The following NUP62CL variants were observed in gnomAD, a reference collection of about 807,000 sequenced individuals.
NUP62CL encodes nucleoporin-62 C-terminal-like protein.
Under a neutral mutation model 15.3 loss-of-function variants are expected in NUP62CL, and 13 were observed. The observed-to-expected ratio is 0.85, with a 90% confidence interval of 0.55 to 1.35. The LOEUF (loss-of-function observed/expected upper bound fraction) is 1.35. NUP62CL is among the 40% of genes most tolerant of loss of function. The probability of loss-of-function intolerance (pLI) is 0.00; values close to 1 mark genes in which losing one functional copy is unlikely to be tolerated. For missense variants in NUP62CL, 123 were observed against 130.6 expected, an observed-to-expected ratio of 0.94 and a Z score of 0.28; for synonymous variants, 54 against 49.2, an observed-to-expected ratio of 1.10 and a Z score of -0.41.
chrX:107,157,219 GGA>G (rs1350590233), intron 4 of NUP62CL, among the ~76,000 whole-genome samples: 2 of 107,809 alleles, frequency 1.9e-5, no homozygotes, highest in African/African-American at 6.7e-5. Flanking sequence ...ATATTATCCA[GGA>G]GAACTTCCCC....
chrX:107,147,756 A>G lies in NUP62CL; in HGVS notation c.*29T>C, dbSNP rs1269792468. The stretch of plus-strand genomic sequence containing the variant: ...GCAAACTCCCACCTGAATTCCGATC[A>G]ATCCACTGCAGGGAGTCCATATGGG... On this transcript the variant is annotated 3_prime_UTR_variant, in exon 8 of 9. Coordinates refer to ENST00000372466, the MANE Select transcript of NUP62CL (RefSeq NM_017681.3). The G allele has an allele frequency of 8.5e-7, 1 of 1,177,380 alleles. No homozygotes were observed. Among genetic ancestry groups the G allele is most frequent in the South Asian group, 1.8e-5 (1 of 55,950 alleles).
chrX:107,194,077 A>G (rs1927307636), intron 1 of NUP62CL, among the ~76,000 whole-genome samples: 1 of 111,160 alleles, frequency 9.0e-6, no homozygotes, highest in Non-Finnish European at 1.9e-5. Context: ...AGAAAGATGG[A>G]AAAGGGGAGA....
intron 8 of NUP62CL, chrX:107,132,112 T>G (rs1925532207): frequency 8.5e-7 from 1 of 1,175,617 alleles, no homozygotes; most frequent in Non-Finnish European, 1.2e-6. Context: ...AGATAAATCT[T>G]TGGAATTGGA....
chrX:107,154,039 G>C lies in NUP62CL; in HGVS notation c.345+57C>G, dbSNP rs879251004. 16 of 1,003,757 alleles carry C rather than the reference G, an allele frequency of 1.6e-5. No individual in the cohort carries two copies. In the South Asian group the frequency reaches 3.1e-4, roughly 19 times the overall value. The allele number at this position is 1,003,757 out of a possible 1,213,427, so 82.7% of individuals were successfully genotyped here. ...CCACAAAACACAGGTCTATTTTCTT[G>C]TGTTCATCTGCAAATACTTGCACAA... On this transcript the variant is annotated intron_variant, in intron 5 of 8. Coordinates refer to ENST00000372466, the MANE Select transcript of NUP62CL (RefSeq NM_017681.3).
intron 3 of NUP62CL, among the ~76,000 whole-genome samples, chrX:107,173,700 AGTGGTAGAAAACATAATTCAT>A (rs1389413349): frequency 8.9e-6 from 1 of 111,992 alleles, no homozygotes; most frequent in Non-Finnish European, 1.9e-5. Flanking sequence ...TTGAAGTCTA[AGTGGTAGAAAACATAATTCAT>A]GTGGTAACCA....
rs1209676983 is a variant in NUP62CL at position 107,147,752 on chromosome X, G to A, written c.*33C>T. On this transcript the variant is annotated 3_prime_UTR_variant, in exon 8 of 9. Coordinates refer to ENST00000372466, the MANE Select transcript of NUP62CL (RefSeq NM_017681.3). ...ACAAGCAAACTCCCACCTGAATTCCGATCAATCCACTGCAGGGAGTCCATA... is the reference window on the plus strand; with the variant it reads ...ACAAGCAAACTCCCACCTGAATTCCAATCAATCCACTGCAGGGAGTCCATA... 10 of 1,174,489 alleles carry A rather than the reference G, an allele frequency of 8.5e-6. No homozygotes were observed. Among genetic ancestry groups the A allele is most frequent in the Non-Finnish European group, 1.2e-5 (10 of 862,610 alleles).
At chrX:107,135,094 C>T (rs1488497135) in intron 8 of NUP62CL, among the ~76,000 whole-genome samples, 1 of 111,339 alleles carries the variant, frequency 9.0e-6, no homozygotes, top group East Asian at 2.8e-4. Context: ...TTATTGTTTC[C>T]CCCTTATGTA....
At chrX:107,188,911 T>C (rs1301319070) in intron 2 of NUP62CL, among the ~76,000 whole-genome samples, 1 of 111,852 alleles carries the variant, frequency 8.9e-6, no homozygotes, top group Non-Finnish European at 1.9e-5. Context: ...AACAGCATTC[T>C]GTCTTTTGTA....
At chrX:107,128,432 G>A (rs967901486) in intron 8 of NUP62CL, among the ~76,000 whole-genome samples, 6 of 111,794 alleles carry the variant, frequency 5.4e-5, no homozygotes, top group Admixed American at 4.8e-4. Context: ...CAAATAAATT[G>A]AAACCATATA....
chrX:107,192,552 T>C, intron 2 of NUP62CL, among the ~76,000 whole-genome samples: 1 of 111,069 alleles, frequency 9.0e-6, no homozygotes. Flanking sequence ...GCTAATTTTT[T>C]GTATTTTTTG....
At chrX:107,138,312 A>G (rs907741954) in intron 8 of NUP62CL, among the ~76,000 whole-genome samples, 5 of 111,688 alleles carry the variant, frequency 4.5e-5, no homozygotes, top group African/African-American at 6.5e-5. Context: ...AACTGATCAA[A>G]TGCATTGCAT....
At chrX:107,153,133 A>C in intron 7 of NUP62CL, 39 bp downstream of exon 7, 1 of 1,149,258 alleles carries the variant, frequency 8.7e-7, no homozygotes, top group Non-Finnish European at 1.2e-6. Context: ...AGAATACGTA[A>C]GTCCTGCCCC....
chrX:107,173,649 A>G (rs1308796884), intron 3 of NUP62CL, among the ~76,000 whole-genome samples: 1 of 111,965 alleles, frequency 8.9e-6, no homozygotes, highest in African/African-American at 3.2e-5. Context: ...TACTGCTTAC[A>G]TATATCAAAA....
rs1289106144 is a variant in NUP62CL, at chrX:107,157,621, G to C, written c.195-3375C>G. 2.8e-5 allele frequency among the ~76,000 whole-genome samples: 3 copies of C among 108,290 alleles called. No individual in the cohort carries two copies. In the East Asian group the frequency reaches 8.8e-4, roughly 32 times the overall value. 94.0% of individuals were successfully genotyped at this position (108,290 alleles called of 115,157 possible). A position where few individuals can be genotyped will look rare whatever the true frequency, so the allele number is the denominator to read the frequency against. On this transcript the variant is annotated intron_variant, in intron 4 of 8. Coordinates refer to ENST00000372466, the MANE Select transcript of NUP62CL (RefSeq NM_017681.3). ...CCAGGCCTGCCCTAAAAGAGCTCCT[G>C]AAGGAAGCGCTAAACATGGAAAGGA...
At chrX:107,203,734 A>G (rs754599312) in intron 1 of NUP62CL, among the ~76,000 whole-genome samples, 143 of 111,963 alleles carry the variant, frequency 1.3e-3, no homozygotes, top group African/African-American at 4.5e-3. Flanking sequence ...AAAGTATATG[A>G]AAAAGGATCA....
intron 1 of NUP62CL, among the ~76,000 whole-genome samples, chrX:107,194,328 C>A (rs1445993725): frequency 9.0e-6 from 1 of 111,284 alleles, no homozygotes; most frequent in East Asian, 2.8e-4. Flanking sequence ...AGAAAAAATT[C>A]TCATAGTTAC....
At chrX:107,135,004 T>C (rs1321810522) in intron 8 of NUP62CL, among the ~76,000 whole-genome samples, 2 of 111,947 alleles carry the variant, frequency 1.8e-5, no homozygotes, top group African/African-American at 6.5e-5. Flanking sequence ...GCCTCCCAAG[T>C]AGCTGGGATT....
intron 3 of NUP62CL, among the ~76,000 whole-genome samples, chrX:107,174,260 T>C (rs998950073): frequency 7.6e-5 from 8 of 105,389 alleles, no homozygotes; most frequent in African/African-American, 2.8e-4. Flanking sequence ...CAAGCAATCC[T>C]CCCACCTAAG....
At chrX:107,165,973 A>T (rs1431542191) in intron 4 of NUP62CL, among the ~76,000 whole-genome samples, 1 of 99,650 alleles carries the variant, frequency 1.0e-5, no homozygotes, top group African/African-American at 4.3e-5. Flanking sequence ...CAGAAGAAAA[A>T]GAAAATCTTT....
Sources: allele counts gnomAD v4.1 joint callset (sites outside exome capture counted in the v4.1 genomes callset), GRCh38; gene constraint gnomAD v4.1.1; transcripts MANE v1.5; gene names NCBI Gene and HGNC (gene_info 2026-07-23, HGNC 2026-07-21).